VIL1: variants seen among roughly 807,000 people sequenced by gnomAD.
VIL1 encodes villin-1.
VIL1 carries 86 observed loss-of-function variants against 104.0 expected under a neutral mutation model. That is an observed-to-expected ratio of 0.83 (90% CI 0.69 to 0.99). VIL1 has a LOEUF of 0.99. Among genes scored for constraint, VIL1 ranks in the 50% least tolerant of loss-of-function variants. VIL1 has a pLI of 0.00. For missense variants in VIL1, 944 were observed against 1,054.1 expected, an observed-to-expected ratio of 0.90 and a Z score of 1.45; for synonymous variants, 394 against 412.6, an observed-to-expected ratio of 0.95 and a Z score of 0.55.
chr2:218,425,716 G>T lies in VIL1; in HGVS notation c.252G>T (p.Gln84His). The T allele has an allele frequency of 6.2e-7, 1 of 1,614,238 alleles. No homozygotes were observed. Among genetic ancestry groups the T allele is most frequent in the Non-Finnish European group, 8.5e-7 (1 of 1,180,038 alleles). ...EQGAAAIYTT[Q>H]MDDFLKGRAV... The stretch of plus-strand genomic sequence containing the variant: ...GGGCAGCTGCCATCTACACCACACA[G>T]ATGGATGACTTCCTGAAGGGCCGGG... The change falls in exon 4 of 20, where the codon CAG (glutamine) becomes CAT (histidine). Residue 84 changes from glutamine to histidine, a missense_variant. Gln to His is a conservative substitution (Grantham distance 24). Transcript: ENST00000248444.
intron 1 of VIL1, among the ~76,000 whole-genome samples, chr2:218,420,669 T>C (rs1688887700): frequency 1.3e-5 from 2 of 150,444 alleles, no homozygotes; most frequent in East Asian, 4.1e-4. Context: ...CACTGCAGGC[T>C]CCACCCCCTG....
intron 13 of VIL1, 94 bp from the exon 14 acceptor site, chr2:218,434,432 C>A: frequency 7.5e-7 from 1 of 1,337,996 alleles, no homozygotes. Flanking sequence ...AGGGGCAAAC[C>A]TCCCCGCCCT....
In VIL1 at chr2:218,433,009, G is replaced by C. The variant is rs1689126538; in HGVS notation, c.1500+58G>C. ...ACCACTGTGGCAAGACAGGCATCCG[G>C]GAGATGGAGAAGGGGATGGGTGGTG... On this transcript the variant is annotated intron_variant, in intron 13 of 19. Coordinates refer to ENST00000248444, the MANE Select transcript of VIL1 (RefSeq NM_007127.3). The C allele has an allele frequency of 1.1e-5, 18 of 1,603,470 alleles. 2 individuals are homozygous for C. In the South Asian group the frequency reaches 1.9e-4, roughly 17 times the overall value.
At chr2:218,420,428 C>CAAAA (rs71064447) in intron 1 of VIL1, among the ~76,000 whole-genome samples, 10 of 80,180 alleles carry the variant, frequency 1.2e-4, no homozygotes, top group African/African-American at 3.7e-4. Context: ...GACTCTGTCT[C>CAAAA]AAAAAAAAAA....
chr2:218,438,756 G>A (rs1689236567), intron 18 of VIL1, 30 bp downstream of exon 18: 5 of 1,594,020 alleles, frequency 3.1e-6, no homozygotes, highest in African/African-American at 1.3e-5. Context: ...GCTGGGCCCT[G>A]CAGTGGCCAG....
chr2:218,446,297 T>C (rs1263536178), intron 19 of VIL1, among the ~76,000 whole-genome samples: 1 of 152,116 alleles, frequency 6.6e-6, no homozygotes, highest in Non-Finnish European at 1.5e-5. Context: ...TGCAGTGCCA[T>C]CATCTTGGCT....
Position 218,424,355 on chromosome 2 carries a change from A to G in VIL1, c.150+4A>G. On this transcript the variant is annotated splice_donor_region_variant and intron_variant, in intron 3 of 19. Transcript: ENST00000248444. ...TGACTGCTACATCATCCTGGCTGTG[A>G]GTCAGGGGCAGGGGAGGGGGCTGAG... The G allele has an allele frequency of 6.2e-7, 1 of 1,613,548 alleles. No individual in the cohort carries two copies. Among genetic ancestry groups the G allele is most frequent in the Non-Finnish European group, 8.5e-7 (1 of 1,179,906 alleles).
chr2:218,435,275 CTT>C lies in VIL1; in HGVS notation c.1681-7_1681-6del, dbSNP rs747368465. The stretch of plus-strand genomic sequence containing the variant: ...GGGTGGCACTAGAAATTAGCCAACT[CTT>C]TTTTTTCCTAGGGTTGTAGCGGGGA... On this transcript the variant is annotated splice_polypyrimidine_tract_variant and intron_variant, in intron 14 of 19. Transcript: ENST00000248444. 1 of 1,610,528 alleles carries C rather than the reference CTT, an allele frequency of 6.2e-7. No individual in the cohort carries two copies. The highest frequency in any genetic ancestry group is 1.3e-5 in the African/African-American group (1 of 74,836).
At position 218,425,704 on chromosome 2, in the gene VIL1, C is replaced by G. The variant is rs926800681; in HGVS notation, c.240C>G (p.Ile80Met). The change falls in exon 4 of 20, where the codon ATC becomes ATG. Residue 80 changes from isoleucine (I) to methionine (M), a missense_variant. Physicochemically the swap from Ile to Met is conservative, Grantham distance 10. Coordinates refer to ENST00000248444, the MANE Select transcript of VIL1 (RefSeq NM_007127.3). ...SSLDEQGAAA[I>M]YTTQMDDFLK... ...TGGATGAGCAGGGGGCAGCTGCCAT[C>G]TACACCACACAGATGGATGACTTCC... 3.1e-6 allele frequency: 5 copies of G among 1,614,200 alleles called. No individual in the cohort carries two copies. The highest frequency in any genetic ancestry group is 1.6e-4 in the Middle Eastern group (1 of 6,062).
At chr2:218,445,601 C>G (rs112528929) in intron 19 of VIL1, among the ~76,000 whole-genome samples, 1 of 151,998 alleles carries the variant, frequency 6.6e-6, no homozygotes, top group Non-Finnish European at 1.5e-5. Context: ...TACTAAGAAG[C>G]TGTTTAATTC....
At position 218,449,418 on chromosome 2, in the gene VIL1, T is replaced by C. The variant is rs1689428897; in HGVS notation, c.*82T>C. ...CTCACCGATATTAGTCCTACACCAA[T>C]TGAAGTGAAATTTTGCAGATGTGCC... On this transcript the variant is annotated 3_prime_UTR_variant, in exon 20 of 20. Coordinates refer to ENST00000248444, the MANE Select transcript of VIL1 (RefSeq NM_007127.3). The C allele has an allele frequency of 4.1e-6, 5 of 1,216,392 alleles. No homozygotes were observed. Among genetic ancestry groups the C allele is most frequent in the South Asian group, 1.2e-5 (1 of 81,368 alleles). 75.3% of individuals were successfully genotyped at this position (1,216,392 alleles called of 1,614,324 possible). A position where few individuals can be genotyped will look rare whatever the true frequency, so the allele number is the denominator to read the frequency against.
chr2:218,438,764 C>T, intron 18 of VIL1, 38 bp downstream of exon 18: 1 of 1,583,000 alleles, frequency 6.3e-7, no homozygotes, highest in Non-Finnish European at 8.6e-7. Flanking sequence ...CTGCAGTGGC[C>T]AGCTGGTGGT....
chr2:218,442,462 T>G (rs1479567971), intron 19 of VIL1, among the ~76,000 whole-genome samples: 1 of 151,688 alleles, frequency 6.6e-6, no homozygotes, highest in African/African-American at 2.4e-5. Flanking sequence ...GGGAATGGAG[T>G]TTGGGGCTGG....
In VIL1 at chr2:218,432,084, T is replaced by A; in HGVS notation, c.1242T>A (p.Asp414Glu). ...RIENLELVPV[D>E]SKWLGHFYGG... ...AGAACCTAGAGCTGGTACCTGTGGATTCCAAGTGGCTAGGCCACTTCTATG... is the reference window on the plus strand; with the variant it reads ...AGAACCTAGAGCTGGTACCTGTGGAATCCAAGTGGCTAGGCCACTTCTATG... The change falls in exon 12 of 20, where the codon GAT becomes GAA. Residue 414 changes from aspartate to glutamate, a missense_variant. Physicochemically the swap from Asp to Glu is conservative, Grantham distance 45. Coordinates refer to ENST00000248444, the MANE Select transcript of VIL1 (RefSeq NM_007127.3). The A allele has an allele frequency of 3.7e-6, 6 of 1,614,082 alleles. No homozygotes were observed. Among genetic ancestry groups the A allele is most frequent in the Non-Finnish European group, 5.1e-6 (6 of 1,179,990 alleles).
rs772862589 is a variant in VIL1 at position 218,430,802 on chromosome 2, T to C, written c.1026T>C (p.Phe342=). 4 of 1,613,764 alleles carry C rather than the reference T, an allele frequency of 2.5e-6. No individual in the cohort carries two copies. Among genetic ancestry groups the C allele is most frequent in the Non-Finnish European group, 3.4e-6 (4 of 1,179,878 alleles). The change falls in exon 10 of 20, where the codon TTT becomes TTC. Residue 342 remains phenylalanine, a synonymous_variant. Transcript: ENST00000248444. The part of the protein sequence containing the change: ...VQNDGAESAV[F]QQLFQKWTAS... ...ATGATGGGGCTGAGTCGGCCGTCTT[T>C]CAGCAGCTCTTCCAGAAGTGGACAG...
chr2:218,423,004 A>G (rs1325906893), intron 1 of VIL1, among the ~76,000 whole-genome samples: 2 of 152,218 alleles, frequency 1.3e-5, no homozygotes, highest in Non-Finnish European at 2.9e-5. Context: ...CCCTGGCCTA[A>G]TTAAATCAGA....
chr2:218,447,272 G>A lies in VIL1; in HGVS notation c.2371-1951G>A, dbSNP rs549939306. Among the ~76,000 whole-genome samples, 7 of 152,270 alleles carry A rather than the reference G, an allele frequency of 4.6e-5. No individual in the cohort carries two copies. In the South Asian group the frequency reaches 1.0e-3, roughly 23 times the overall value. On this transcript the variant is annotated intron_variant, in intron 19 of 19. Transcript: ENST00000248444. ...GCCCAGGAGGGAGACTTCTCCTGAG[G>A]GTGACAGGCTTTTGCTAGAAGAGTT...
intron 14 of VIL1, 95 bp from the exon 15 acceptor site, chr2:218,435,194 A>C (rs1367026230): frequency 1.1e-5 from 17 of 1,531,244 alleles, no homozygotes; most frequent in Non-Finnish European, 1.4e-5. Flanking sequence ...GACCCAGGAG[A>C]GCCCTCTTTG....
intron 14 of VIL1, among the ~76,000 whole-genome samples, chr2:218,434,989 A>G (rs1689163387): frequency 6.6e-6 from 1 of 151,938 alleles, no homozygotes; most frequent in African/African-American, 2.4e-5. Context: ...GTCTGTCTTT[A>G]TGTCTTGGGC....
Sources: gnomAD v4.1 joint callset for allele counts (sites outside exome capture counted in the v4.1 genomes callset) on GRCh38, gnomAD v4.1.1 for gene constraint, MANE v1.5 for transcripts, NCBI Gene and HGNC (gene_info 2026-07-23, HGNC 2026-07-21) for gene names.